CADM2: variants seen among roughly 807,000 people sequenced by gnomAD.
CADM2 encodes immunoglobulin superfamily member 4D.
A neutral mutation model predicts 49.8 loss-of-function variants in CADM2; 12 were observed. The observed-to-expected ratio is 0.24, with a 90% CI of 0.15 to 0.39. The LOEUF is 0.39. CADM2 is among the 10% of genes least tolerant of loss of function. CADM2 has a pLI of 1.00. For missense variants in CADM2, 378 were observed against 492.3 expected (o/e 0.77, Z 2.20); for synonymous variants, 214 against 175.4 (o/e 1.22, Z -1.74).
At chr3:85,796,546 A>G (rs2071634267) in intron 2 of CADM2, among the ~76,000 whole-genome samples, 1 of 152,154 alleles carries the variant, frequency 6.6e-6, no homozygotes, top group African/African-American at 2.4e-5. Context: ...CAACTCTGAG[A>G]GGTTGGCATT....
At chr3:85,606,610 G>T (rs781167998) in intron 1 of CADM2, among the ~76,000 whole-genome samples, 1 of 152,082 alleles carries the variant, frequency 6.6e-6, no homozygotes, top group Non-Finnish European at 1.5e-5. Context: ...AGTGCTACAG[G>T]CAATCAGAGA....
intron 1 of CADM2, among the ~76,000 whole-genome samples, chr3:85,565,027 T>A (rs1315909927): frequency 6.6e-6 from 1 of 152,084 alleles, no homozygotes; most frequent in Admixed American, 6.6e-5. Context: ...ATTTTGAAAG[T>A]TGGACAAGGA....
At chr3:85,695,491 T>C (rs1456503454) in intron 1 of CADM2, among the ~76,000 whole-genome samples, 2 of 152,058 alleles carry the variant, frequency 1.3e-5, no homozygotes, top group East Asian at 3.9e-4. Context: ...GATAATGGCC[T>C]CCAGTTCCAT....
At chr3:85,480,150 T>G (rs1193923798) in intron 1 of CADM2, among the ~76,000 whole-genome samples, 1 of 151,850 alleles carries the variant, frequency 6.6e-6, no homozygotes, top group Non-Finnish European at 1.5e-5. Flanking sequence ...GGAGATATAT[T>G]ATTTGAATCA....
At chr3:85,487,301 G>A (rs2039458804) in intron 1 of CADM2, among the ~76,000 whole-genome samples, 1 of 152,150 alleles carries the variant, frequency 6.6e-6, no homozygotes, top group Non-Finnish European at 1.5e-5. Context: ...GTGGCTTGAA[G>A]CCAGGAGTTC....
intron 1 of CADM2, among the ~76,000 whole-genome samples, chr3:85,306,519 C>T (rs909197062): frequency 1.3e-5 from 2 of 151,598 alleles, no homozygotes. Context: ...AATTCTAAAG[C>T]CTTTTGACAT....
At chr3:85,779,613 G>A (rs1338116376) in intron 2 of CADM2, among the ~76,000 whole-genome samples, 1 of 152,052 alleles carries the variant, frequency 6.6e-6, no homozygotes, top group Non-Finnish European at 1.5e-5. Context: ...CAGCATGGGG[G>A]TAACCAACCC....
intron 8 of CADM2, among the ~76,000 whole-genome samples, chr3:86,027,721 GTAA>G (rs1406192901): frequency 6.6e-6 from 1 of 151,960 alleles, no homozygotes. Flanking sequence ...TGAAAAATAT[GTAA>G]TAATAATTTT....
chr3:85,560,341 T>C (rs1438820092), intron 1 of CADM2, among the ~76,000 whole-genome samples: 1 of 152,192 alleles, frequency 6.6e-6, no homozygotes, highest in East Asian at 1.9e-4. Flanking sequence ...AAAACCATTA[T>C]TGATGGTAGT....
chr3:85,841,055 TAATC>T (rs1427399667), intron 3 of CADM2, among the ~76,000 whole-genome samples: 1 of 151,774 alleles, frequency 6.6e-6, no homozygotes, highest in Non-Finnish European at 1.5e-5. Context: ...AATAATATAA[TAATC>T]AATATTACAG....
intron 3 of CADM2, among the ~76,000 whole-genome samples, chr3:85,839,821 G>C (rs1000718879): frequency 1.1e-4 from 17 of 151,846 alleles, no homozygotes; most frequent in Non-Finnish European, 1.5e-5. Flanking sequence ...ATTCTTTACA[G>C]ATCTTATAAA....
rs781046665 is a variant in CADM2 at position 85,393,089 on chromosome 3, T to TAA, written c.62-333420_62-333419dup. 9.7e-3 allele frequency among the ~76,000 whole-genome samples: 1,246 copies of TAA among 128,364 alleles called. 14 individuals are homozygous for TAA. Among genetic ancestry groups the TAA allele is most frequent in the Non-Finnish European group, 0.014 (838 of 60,992 alleles). The allele number at this position is 128,364 out of a possible 152,430, so 84.2% of individuals were successfully genotyped here. ...AACCTGGAGGCAAAAGTAAACTCTT[T>TAA]AAAAAAAAAAAAAAGAAAAGAAAAA... On this transcript the variant is annotated intron_variant, in intron 1 of 9. Transcript: ENST00000383699.
intron 1 of CADM2, among the ~76,000 whole-genome samples, chr3:85,115,004 C>T (rs1487770463): frequency 1.3e-5 from 2 of 152,172 alleles, no homozygotes; most frequent in Admixed American, 1.3e-4. Flanking sequence ...TATTCTCAAA[C>T]ATTCTGCAAA....
intron 1 of CADM2, among the ~76,000 whole-genome samples, chr3:85,189,034 A>G (rs2041136625): frequency 6.7e-6 from 1 of 148,760 alleles, no homozygotes; most frequent in African/African-American, 2.5e-5. Flanking sequence ...CCGTCTCAAA[A>G]AAATAATAAT....
chr3:85,762,533 C>A (rs1240157297), intron 2 of CADM2, among the ~76,000 whole-genome samples: 1 of 151,714 alleles, frequency 6.6e-6, no homozygotes, highest in Non-Finnish European at 1.5e-5. Flanking sequence ...CAGTTCCCTC[C>A]CCTCTTGAAA....
intron 1 of CADM2, among the ~76,000 whole-genome samples, chr3:85,712,369 A>G (rs1470690186): frequency 1.3e-5 from 2 of 152,204 alleles, no homozygotes; most frequent in Non-Finnish European, 2.9e-5. Flanking sequence ...GTTGGTAATT[A>G]CAAGAGTTTT....
chr3:85,098,276 TA>T (rs2037879474), intron 1 of CADM2, among the ~76,000 whole-genome samples: 1 of 150,568 alleles, frequency 6.6e-6, no homozygotes, highest in Non-Finnish European at 1.5e-5. Context: ...AAAAAAGAAG[TA>T]TTTTTTTAAT....
intron 1 of CADM2, among the ~76,000 whole-genome samples, chr3:85,612,211 C>T (rs1165190894): frequency 6.6e-6 from 1 of 151,644 alleles, no homozygotes; most frequent in Non-Finnish European, 1.5e-5. Flanking sequence ...ATCTCTTTTT[C>T]AATGCAAGGA....
At chr3:85,883,852 G>T (rs891296750) in intron 4 of CADM2, among the ~76,000 whole-genome samples, 3 of 152,106 alleles carry the variant, frequency 2.0e-5, no homozygotes, top group Admixed American at 6.5e-5. Context: ...GATCATGTAA[G>T]TCACCTGATA....
Sources: gnomAD v4.1 joint callset for allele counts (sites outside exome capture counted in the v4.1 genomes callset) on GRCh38, gnomAD v4.1.1 for gene constraint, MANE v1.5 for transcripts, NCBI Gene and HGNC (gene_info 2026-07-23, HGNC 2026-07-21) for gene names.